Variants in TAF6L observed in about 807,000 individuals in gnomAD.
TAF6L encodes the protein TATA-box binding protein associated factor 6 like.
In TAF6L, 34 loss-of-function variants were observed where a neutral mutation model predicts 57.3. The observed-to-expected ratio is 0.59, with a 90% CI of 0.45 to 0.79. The LOEUF (loss-of-function observed/expected upper bound fraction) is 0.79. TAF6L is among the 30% of genes least tolerant of loss of function. The pLI, the probability that TAF6L is intolerant of heterozygous loss-of-function variation, is 0.00. For missense variants in TAF6L, 782 were observed against 853.2 expected, an observed-to-expected ratio of 0.92 and a Z score of 1.04; for synonymous variants, 417 against 376.3, an observed-to-expected ratio of 1.11 and a Z score of -1.25.
At chr11:62,771,817 A>G (rs991640725) in intron 1 of TAF6L, 6 of 287,510 alleles carry the variant, frequency 2.1e-5, no homozygotes, top group Middle Eastern at 1.3e-3. Context: ...GTGTACGGTC[A>G]TATAATAGGG....
intron 1 of TAF6L, among the ~76,000 whole-genome samples, chr11:62,775,005 A>G (rs1224053765): frequency 6.7e-6 from 1 of 149,474 alleles, no homozygotes; most frequent in African/African-American, 2.5e-5. Flanking sequence ...CGGAGGTTGC[A>G]GTGAGCTGAG....
At position 62,778,317 on chromosome 11, in the gene TAF6L, C is replaced by T. The variant is rs1440120214; in HGVS notation, c.418C>T (p.Leu140=). Residue 140 remains leucine (L), a synonymous_variant, in exon 5 of 11, where the codon CTG becomes TTG. Coordinates refer to ENST00000294168, the MANE Select transcript of TAF6L (RefSeq NM_006473.4). ...HVSYLDGKGN[L]APQGSVPSAV... is the part of the protein sequence containing the mutation. ...CTCCTACCTGGATGGCAAAGGGAAC[C>T]TGGCACCTCAAGGATCGGGTAAGGG... 2 of 1,614,082 alleles carry T rather than the reference C, an allele frequency of 1.2e-6. No homozygotes were observed. The highest frequency in any genetic ancestry group is 1.7e-5 in the Admixed American group (1 of 59,992).
intron 6 of TAF6L, among the ~76,000 whole-genome samples, chr11:62,779,974 A>AT (rs1432226168): frequency 6.3e-4 from 47 of 74,922 alleles, no homozygotes; most frequent in Non-Finnish European, 5.1e-4. Context: ...ATATATATAT[A>AT]TATTTTTTTT....
chr11:62,772,176 A>G (rs1276767882), intron 1 of TAF6L: 1 of 456,054 alleles, frequency 2.2e-6, no homozygotes, highest in Non-Finnish European at 4.4e-6. Context: ...ATTATTGAGA[A>G]TATAGTGAAG....
intron 9 of TAF6L, among the ~76,000 whole-genome samples, chr11:62,783,975 TGCCAAGATGGCGCCACTACAC>T: frequency 5.5e-5 from 1 of 18,032 alleles, no homozygotes; most frequent in East Asian, 1.5e-3. Context: ...GATGGAATCT[TGCCAAGATGGCGCCACTACAC>T]TCCAGCCCGG....
At position 62,776,078 on chromosome 11, in the gene TAF6L, A is replaced by G. The variant is rs2084186275; in HGVS notation, c.147+148A>G. 6.9e-6 allele frequency: 8 copies of G among 1,152,336 alleles called. No individual in the cohort carries two copies. The East Asian group carries it at 2.1e-4, about 30-fold the overall frequency. 71.4% of individuals were successfully genotyped at this position (1,152,336 alleles called of 1,614,324 possible). A position where few individuals can be genotyped will look rare whatever the true frequency, so the allele number is the denominator to read the frequency against. On this transcript the variant is annotated intron_variant, in intron 2 of 10. Coordinates refer to ENST00000294168, the MANE Select transcript of TAF6L (RefSeq NM_006473.4). ...CATGCCTTTACAGAACTCTACTTGTAGCTGTCTGGGCTTCCAGCAGACAAA... is the reference window on the plus strand; with the variant it reads ...CATGCCTTTACAGAACTCTACTTGTGGCTGTCTGGGCTTCCAGCAGACAAA...
At position 62,778,938 on chromosome 11, in the gene TAF6L, T is replaced by C. The variant is rs2134708300; in HGVS notation, c.506T>C (p.Leu169Pro). The C allele has an allele frequency of 1.9e-6, 3 of 1,613,914 alleles. No individual in the cohort carries two copies. The highest frequency in any genetic ancestry group is 2.5e-6 in the Non-Finnish European group (3 of 1,179,980). ...KYYHQVTRAVLGDDPQLMKVA... is the reference protein window; with the variant it reads ...KYYHQVTRAVPGDDPQLMKVA... Reference sequence around the variant, plus strand: ...TATCACCAGGTGACTCGTGCTGTGCTAGGGGATGATCCGCAACTGATGAAG... The same window carrying C: ...TATCACCAGGTGACTCGTGCTGTGCCAGGGGATGATCCGCAACTGATGAAG... The change falls in exon 6 of 11, where the codon CTA becomes CCA. Residue 169 changes from leucine to proline, a missense_variant. Physicochemically the swap from Leu to Pro is moderately conservative, Grantham distance 98. Coordinates refer to ENST00000294168, the MANE Select transcript of TAF6L (RefSeq NM_006473.4).
chr11:62,775,608 G>C (rs2084180324), intron 1 of TAF6L, 163 bp from the exon 2 acceptor site: 1 of 720,058 alleles, frequency 1.4e-6, no homozygotes, highest in South Asian at 2.0e-5. Context: ...TGGCCAGTCT[G>C]TTTCCTTCTC....
intron 1 of TAF6L, among the ~76,000 whole-genome samples, chr11:62,775,062 CAAAAA>C (rs35218634): frequency 3.2e-5 from 2 of 62,804 alleles, no homozygotes; most frequent in African/African-American, 5.1e-5. Flanking sequence ...GACTCTGTCT[CAAAAA>C]AAAAAAAAAA....
chr11:62,785,316 C>T (rs759149733), intron 9 of TAF6L, among the ~76,000 whole-genome samples: 18 of 151,846 alleles, frequency 1.2e-4, no homozygotes, highest in Admixed American at 2.0e-4. Context: ...TTCAGCCTCC[C>T]GAGTAGCTGG....
chr11:62,780,552 A>G (rs769856953), intron 6 of TAF6L, among the ~76,000 whole-genome samples: 4 of 152,062 alleles, frequency 2.6e-5, no homozygotes, highest in African/African-American at 4.8e-5. Flanking sequence ...CCTGGCTGAT[A>G]GAACGAAACT....
Position 62,778,878 on chromosome 11 carries a change from C to T in TAF6L, c.446C>T (p.Ala149Val), listed in dbSNP as rs1213537336. The T allele has an allele frequency of 5.0e-6, 8 of 1,614,078 alleles. No individual in the cohort carries two copies. The East Asian group carries it at 1.8e-4, about 36-fold the overall frequency. ...GCCTGTCCTCTGGCAGTGCCCAGTG[C>T]TGTGTCTTCACTGACAGATGACCTT... ...NLAPQGSVPS[A>V]VSSLTDDLLK... The change falls in exon 6 of 11, where the codon GCT becomes GTT. Residue 149 changes from alanine to valine, a missense_variant. Ala to Val is a moderately conservative substitution (Grantham distance 64). Transcript: ENST00000294168.
At chr11:62,782,487 G>T in intron 8 of TAF6L, 154 bp downstream of exon 8, 1 of 1,038,706 alleles carries the variant, frequency 9.6e-7, no homozygotes, top group South Asian at 1.6e-5. Flanking sequence ...GTGACACACT[G>T]GGATTCTGAA....
chr11:62,782,602 T>C (rs1310062242), intron 8 of TAF6L, 91 bp from the exon 9 acceptor site: 2 of 1,550,340 alleles, frequency 1.3e-6, no homozygotes, highest in African/African-American at 2.7e-5. Flanking sequence ...CCGAGTGTGC[T>C]GTACAGATGC....
At chr11:62,772,209 T>TA in intron 1 of TAF6L, 1 of 453,706 alleles carries the variant, frequency 2.2e-6, no homozygotes, top group Non-Finnish European at 4.4e-6. Flanking sequence ...AGCACTTAGC[T>TA]GTGTCTCAGG....
chr11:62,780,495 G>A (rs1413711886), intron 6 of TAF6L, among the ~76,000 whole-genome samples: 1 of 150,416 alleles, frequency 6.6e-6, no homozygotes, highest in Non-Finnish European at 1.5e-5. Context: ...TGGGCAACAA[G>A]AACAAAACTT....
rs775130493 is a variant in TAF6L at position 62,786,643 on chromosome 11, T to G, written c.1216T>G (p.Ser406Ala). Residue 406 changes from serine to alanine, a missense_variant, in exon 11 of 11, where the codon TCC (serine) becomes GCC (alanine). By Grantham distance (99) the Ser-to-Ala change is moderately conservative. Coordinates refer to ENST00000294168, the MANE Select transcript of TAF6L (RefSeq NM_006473.4). ...GGACAGCCTTCTCTTTCAAGAGTCG[T>G]CCTCCGGGGGCGGTGCAGAACCCAG... is the stretch of plus-strand genomic sequence containing the variant. ...PWDSLLFQES[S>A]SGGGAEPSFG... The G allele has an allele frequency of 6.2e-7, 1 of 1,603,374 alleles. No homozygotes were observed. Among genetic ancestry groups the G allele is most frequent in the African/African-American group, 1.3e-5 (1 of 74,408 alleles).
At chr11:62,783,179 C>T (rs1185088539) in intron 9 of TAF6L, among the ~76,000 whole-genome samples, 3 of 152,114 alleles carry the variant, frequency 2.0e-5, no homozygotes, top group Non-Finnish European at 4.4e-5. Flanking sequence ...AATGATTATA[C>T]GCTTTAAAAA....
intron 9 of TAF6L, 145 bp downstream of exon 9, chr11:62,782,970 C>T (rs569054876): frequency 1.6e-6 from 2 of 1,233,134 alleles, no homozygotes; most frequent in African/African-American, 1.5e-5. Context: ...CTCAGTGATA[C>T]TTGACTTTCT....
Sources: gnomAD v4.1 joint callset for allele counts (sites outside exome capture counted in the v4.1 genomes callset) on GRCh38, gnomAD v4.1.1 for gene constraint, MANE v1.5 for transcripts, NCBI Gene and HGNC (gene_info 2026-07-23, HGNC 2026-07-21) for gene names.